Variants in ADCK1 observed in about 807,000 individuals in gnomAD.
The protein encoded by ADCK1 is aarF domain-containing protein kinase 1.
Under a neutral mutation model 52.3 loss-of-function variants are expected in ADCK1, and 41 were observed. The observed-to-expected ratio is 0.78, with a 90% CI of 0.61 to 1.02. ADCK1 has a LOEUF of 1.02. Among genes scored for constraint, ADCK1 ranks in the 50% least tolerant of loss-of-function variants. The probability of loss-of-function intolerance (pLI) is 0.00; values close to 1 mark genes in which losing one functional copy is unlikely to be tolerated. For missense variants in ADCK1, 658 were observed against 679.5 expected (o/e 0.97, Z 0.35); for synonymous variants, 250 against 274.6 (o/e 0.91, Z 0.89).
At chr14:77,897,013 A>T (rs980574072) in intron 5 of ADCK1, among the ~76,000 whole-genome samples, 3 of 152,160 alleles carry the variant, frequency 2.0e-5, no homozygotes, top group Non-Finnish European at 4.4e-5. Context: ...CCAACACAGC[A>T]TTGGGCAAAA....
chr14:77,820,305 AT>A (rs1402974013), intron 2 of ADCK1, among the ~76,000 whole-genome samples: 1 of 16,020 alleles, frequency 6.2e-5, no homozygotes, highest in Non-Finnish European at 1.8e-4. Flanking sequence ...TTATTTTATG[AT>A]ATATATATAT....
In ADCK1 at chr14:77,931,616, C is replaced by A. The variant is rs545192306; in HGVS notation, c.1305C>A (p.Asn435Lys). 3.7e-6 allele frequency: 6 copies of A among 1,613,384 alleles called. No individual in the cohort carries two copies. Among genetic ancestry groups the A allele is most frequent in the Non-Finnish European group, 4.2e-6 (5 of 1,180,048 alleles). Residue 435 changes from asparagine to lysine, a missense_variant, in exon 10 of 11, where the codon AAC becomes AAA. By Grantham distance (94) the Asn-to-Lys change is moderately conservative. Coordinates refer to ENST00000238561, the MANE Select transcript of ADCK1 (RefSeq NM_020421.4). ...AGATGCTGCTCATCTTGAAGACCAA[C>A]GACCTGCTGCGTGGCATTGAGGCCG... ...PRQMLLILKT[N>K]DLLRGIEAAL...
chr14:77,819,604 C>T (rs1483537135), intron 2 of ADCK1, among the ~76,000 whole-genome samples: 1 of 152,226 alleles, frequency 6.6e-6, no homozygotes, highest in African/African-American at 2.4e-5. Flanking sequence ...GAGGGATCCC[C>T]TCCAGTCTCC....
At chr14:77,909,612 G>A (rs1362201113) in intron 7 of ADCK1, among the ~76,000 whole-genome samples, 1 of 151,662 alleles carries the variant, frequency 6.6e-6, no homozygotes, top group African/African-American at 2.4e-5. Flanking sequence ...TGGTGGCCAT[G>A]TGACTGCTGT....
chr14:77,929,867 A>G (rs1011588890), intron 9 of ADCK1, among the ~76,000 whole-genome samples: 7 of 152,106 alleles, frequency 4.6e-5, no homozygotes, highest in South Asian at 2.1e-4. Flanking sequence ...GGGTTTCGCT[A>G]TGTTGGCCAG....
chr14:77,801,522 A>C, intron 1 of ADCK1, among the ~76,000 whole-genome samples: 1 of 152,190 alleles, frequency 6.6e-6, no homozygotes, highest in East Asian at 1.9e-4. Flanking sequence ...TTATTGGGTC[A>C]TTCTTTGCTT....
At chr14:77,824,849 T>C (rs2081660364) in intron 3 of ADCK1, among the ~76,000 whole-genome samples, 1 of 152,236 alleles carries the variant, frequency 6.6e-6, no homozygotes, top group African/African-American at 2.4e-5. Flanking sequence ...ATTTCGTCGC[T>C]CTCCCTCTTT....
chr14:77,873,371 A>T (rs549530153), intron 4 of ADCK1, among the ~76,000 whole-genome samples: 155 of 152,348 alleles, frequency 1.0e-3, no homozygotes, highest in African/African-American at 3.6e-3. Context: ...GATTTATGCC[A>T]TGGGAGGCCC....
chr14:77,901,725 C>T (rs1350445659), intron 6 of ADCK1, among the ~76,000 whole-genome samples: 5 of 152,242 alleles, frequency 3.3e-5, no homozygotes, highest in African/African-American at 1.2e-4. Context: ...GGTGTTCTCT[C>T]AGAGCACACA....
chr14:77,895,519 A>T (rs931177822), intron 5 of ADCK1, among the ~76,000 whole-genome samples: 2 of 152,214 alleles, frequency 1.3e-5, no homozygotes, highest in African/African-American at 4.8e-5. Flanking sequence ...TATGGAGAAG[A>T]TGCATTTTGG....
chr14:77,821,769 T>C (rs2081587872), intron 2 of ADCK1, among the ~76,000 whole-genome samples: 1 of 150,756 alleles, frequency 6.6e-6, no homozygotes, highest in Non-Finnish European at 1.5e-5. Context: ...TAATCCCAGC[T>C]ACTTGGGAGG....
chr14:77,915,342 AC>A (rs1271481299), intron 7 of ADCK1, among the ~76,000 whole-genome samples: 58 of 37,636 alleles, frequency 1.5e-3, no homozygotes, highest in East Asian at 7.9e-4. Context: ...CCTCCCCCCT[AC>A]CCCCAGCCTA....
intron 9 of ADCK1, among the ~76,000 whole-genome samples, chr14:77,928,299 C>A (rs1224330138): frequency 6.6e-6 from 1 of 152,002 alleles, no homozygotes; most frequent in African/African-American, 2.4e-5. Context: ...ATGTCATGGG[C>A]AGCTAAGACT....
chr14:77,899,877 CTGGCCAACA>C (rs1355861185), intron 6 of ADCK1, among the ~76,000 whole-genome samples: 1 of 152,074 alleles, frequency 6.6e-6, no homozygotes, highest in Non-Finnish European at 1.5e-5. Context: ...CGAGACCAGC[CTGGCCAACA>C]TGGTGAAACC....
chr14:77,914,397 C>A, intron 7 of ADCK1: 1 of 985,426 alleles, frequency 1.0e-6, no homozygotes, highest in African/African-American at 1.7e-5. Context: ...CCTTGCTATG[C>A]TTCTTCTAGT....
At chr14:77,884,948 T>C (rs1298243035) in intron 4 of ADCK1, among the ~76,000 whole-genome samples, 3 of 152,210 alleles carry the variant, frequency 2.0e-5, no homozygotes, top group Non-Finnish European at 4.4e-5. Flanking sequence ...TTTGAGGTCT[T>C]TGGATTCATA....
At chr14:77,801,098 A>G (rs375990900) in intron 1 of ADCK1, among the ~76,000 whole-genome samples, 20 of 152,262 alleles carry the variant, frequency 1.3e-4, no homozygotes, top group African/African-American at 4.6e-4. Context: ...AAATAAAATA[A>G]TTTTCTTACT....
chr14:77,879,421 T>G (rs2082970935), intron 4 of ADCK1, among the ~76,000 whole-genome samples: 1 of 152,162 alleles, frequency 6.6e-6, no homozygotes, highest in African/African-American at 2.4e-5. Flanking sequence ...ATTGTTCAGC[T>G]GTGATTGGAA....
rs778582393 is a variant in ADCK1 at position 77,822,452 on chromosome 14, C to T, written c.153C>T (p.Tyr51=). 9 of 1,614,002 alleles carry T rather than the reference C, an allele frequency of 5.6e-6. No homozygotes were observed. The highest frequency in any genetic ancestry group is 2.7e-5 in the African/African-American group (2 of 75,028). The change falls in exon 3 of 11, where the codon TAC becomes TAT. Residue 51 remains tyrosine, a synonymous_variant. Coordinates refer to ENST00000238561, the MANE Select transcript of ADCK1 (RefSeq NM_020421.4). ...GTTCACAGACGGCTGTCATCAGTTA[C>T]GACTACCTCACTTCCCTGAAGAGTG... ...RAVATTAVIS[Y]DYLTSLKSVP...
Sources: gnomAD v4.1 joint callset for allele counts (sites outside exome capture counted in the v4.1 genomes callset) on GRCh38, gnomAD v4.1.1 for gene constraint, MANE v1.5 for transcripts, NCBI Gene and HGNC (gene_info 2026-07-23, HGNC 2026-07-21) for gene names.